SV2C: variants seen among roughly 807,000 people sequenced by gnomAD.
SV2C encodes the protein solute carrier family 22 member B3.
A neutral mutation model predicts 79.7 loss-of-function variants in SV2C; 49 were observed. The ratio of observed to expected loss-of-function variants is 0.61; its 90% CI spans 0.49 to 0.78. The LOEUF (loss-of-function observed/expected upper bound fraction) is 0.78. SV2C is among the 30% of genes least tolerant of loss of function. The pLI, the probability that SV2C is intolerant of heterozygous loss-of-function variation, is 0.00. For missense variants in SV2C, 833 were observed against 912.9 expected (o/e 0.91, Z 1.13); for synonymous variants, 334 against 333.2 (o/e 1.00, Z -0.03).
intron 1 of SV2C, among the ~76,000 whole-genome samples, chr5:76,108,930 G>A (rs10064145): frequency 0.2 from 30,253 of 152,146 alleles, 3,310 homozygotes; most frequent in East Asian, 0.45. Context: ...TAGTGTTAGA[G>A]ATGATGTGAA....
At chr5:76,089,231 A>G (rs908142279) in intron 1 of SV2C, among the ~76,000 whole-genome samples, 1 of 152,106 alleles carries the variant, frequency 6.6e-6, no homozygotes, top group Non-Finnish European at 1.5e-5. Context: ...CCCTGTGTCC[A>G]TATGTTCTCA....
chr5:76,291,905 T>C (rs773349550), intron 8 of SV2C, 49 bp downstream of exon 8: 10 of 1,323,154 alleles, frequency 7.6e-6, no homozygotes, highest in Admixed American at 1.9e-5. Context: ...AATGTCCACA[T>C]TGTAACTCCT....
chr5:75,858,474 C>A, the SV2C span, among the ~76,000 whole-genome samples: 11 of 152,118 alleles, frequency 7.2e-5, no homozygotes, highest in Admixed American at 3.9e-4. Flanking sequence ...TGATGAATGA[C>A]CTTTTTAACG....
intron 5 of SV2C, 96 bp downstream of exon 5, chr5:76,285,391 A>G: frequency 6.6e-7 from 1 of 1,512,710 alleles, no homozygotes; most frequent in Non-Finnish European, 8.9e-7. Flanking sequence ...TTTGAGAGGT[A>G]CATTTTCCCT....
the SV2C span, among the ~76,000 whole-genome samples, chr5:75,960,142 A>G: frequency 6.6e-6 from 1 of 152,002 alleles, no homozygotes; most frequent in African/African-American, 2.4e-5. Context: ...ACTTTTAATG[A>G]AAAAATCCTA....
intron 1 of SV2C, among the ~76,000 whole-genome samples, chr5:76,084,880 G>T (rs375481464): frequency 5.7e-4 from 86 of 152,046 alleles, no homozygotes; most frequent in African/African-American, 1.8e-3. Context: ...GCACGGCCTG[G>T]GCTGGCGGGC....
the SV2C span, among the ~76,000 whole-genome samples, chr5:76,073,543 A>ATATG: frequency 7.5e-6 from 1 of 133,154 alleles, no homozygotes; most frequent in Admixed American, 7.8e-5. Context: ...ATATATATAT[A>ATATG]TACACCATGG....
chr5:76,110,147 T>A (rs1748051987), intron 1 of SV2C, among the ~76,000 whole-genome samples: 1 of 152,196 alleles, frequency 6.6e-6, no homozygotes, highest in Non-Finnish European at 1.5e-5. Flanking sequence ...ACTTCTATAT[T>A]TTTTGAAATC....
At chr5:75,936,905 T>C in the SV2C span, among the ~76,000 whole-genome samples, 1 of 152,210 alleles carries the variant, frequency 6.6e-6, no homozygotes, top group African/African-American at 2.4e-5. Flanking sequence ...CAAGCAGTCC[T>C]TGCTTTGCAC....
At chr5:76,048,744 A>ATG in the SV2C span, among the ~76,000 whole-genome samples, 1 of 151,398 alleles carries the variant, frequency 6.6e-6, no homozygotes, top group Admixed American at 6.6e-5. Context: ...GAAGGTGCAC[A>ATG]TGTACAAGCT....
At chr5:76,344,487 T>C (rs918928283) in intron 12 of SV2C, among the ~76,000 whole-genome samples, 5 of 152,198 alleles carry the variant, frequency 3.3e-5, no homozygotes, top group African/African-American at 7.2e-5. Flanking sequence ...GGCGGGCGGA[T>C]CACCGGAGGT....
chr5:76,179,147 A>G (rs557941768), intron 2 of SV2C, among the ~76,000 whole-genome samples: 11 of 152,334 alleles, frequency 7.2e-5, no homozygotes, highest in Admixed American at 2.6e-4. Flanking sequence ...CGCAAACTAT[A>G]GTAGTCTGGG....
chr5:75,984,628 A>G, the SV2C span, among the ~76,000 whole-genome samples: 3 of 148,676 alleles, frequency 2.0e-5, no homozygotes, highest in Non-Finnish European at 4.4e-5. Flanking sequence ...TCTATCATCT[A>G]TCTGTCATCT....
chr5:76,056,875 GT>G, the SV2C span, among the ~76,000 whole-genome samples: 2 of 151,452 alleles, frequency 1.3e-5, no homozygotes, highest in African/African-American at 4.9e-5. Context: ...ATGTTTTATT[GT>G]GTCTATTTGA....
At chr5:75,989,486 G>A in the SV2C span, among the ~76,000 whole-genome samples, 134 of 152,122 alleles carry the variant, frequency 8.8e-4, no homozygotes, top group Middle Eastern at 6.8e-3. Flanking sequence ...TGGCTGCATA[G>A]TATTTCATGT....
chr5:76,137,165 GT>G (rs2112199001), intron 2 of SV2C, among the ~76,000 whole-genome samples: 1 of 152,298 alleles, frequency 6.6e-6, no homozygotes, highest in African/African-American at 2.4e-5. Context: ...GATAATATAT[GT>G]ATAACTCTTA....
At chr5:76,044,070 T>G in the SV2C span, among the ~76,000 whole-genome samples, 1 of 152,090 alleles carries the variant, frequency 6.6e-6, no homozygotes, top group Non-Finnish European at 1.5e-5. Flanking sequence ...CCCCCTGCTC[T>G]CCCTCCAACA....
intron 3 of SV2C, among the ~76,000 whole-genome samples, chr5:76,204,594 A>G (rs1744552926): frequency 1.3e-5 from 2 of 152,236 alleles, no homozygotes; most frequent in African/African-American, 2.4e-5. Context: ...CATACTAGCT[A>G]GAAAATTAAA....
At chr5:76,101,586 G>T (rs142468342) in intron 1 of SV2C, among the ~76,000 whole-genome samples, 1 of 152,104 alleles carries the variant, frequency 6.6e-6, no homozygotes, top group African/African-American at 2.4e-5. Context: ...GAAACTATCA[G>T]AAGAACTTTC....
Sources: gnomAD v4.1 joint callset for allele counts (sites outside exome capture counted in the v4.1 genomes callset) on GRCh38, gnomAD v4.1.1 for gene constraint, MANE v1.5 for transcripts, NCBI Gene and HGNC (gene_info 2026-07-23, HGNC 2026-07-21) for gene names.